The following GPC5 variants were observed in gnomAD, a reference collection of about 807,000 sequenced individuals.
The protein encoded by GPC5 is glypican 5.
Under a neutral mutation model 53.9 loss-of-function variants are expected in GPC5, and 47 were observed. The observed-to-expected ratio is 0.87, with a 90% CI of 0.69 to 1.11. GPC5 has a LOEUF of 1.11. GPC5 is among the 50% of genes most tolerant of loss of function. The pLI is 0.00. For missense variants in GPC5, 748 were observed against 713.1 expected (o/e 1.05, Z -0.56); for synonymous variants, 286 against 263.3 (o/e 1.09, Z -0.84).
At chr13:91,805,567 C>T (rs1165568888) in intron 5 of GPC5, among the ~76,000 whole-genome samples, 1 of 152,156 alleles carries the variant, frequency 6.6e-6, no homozygotes, top group Non-Finnish European at 1.5e-5. Flanking sequence ...CCAGGAGTCT[C>T]TTATTGCCTT....
intron 7 of GPC5, among the ~76,000 whole-genome samples, chr13:92,615,938 C>T (rs1312343470): frequency 6.6e-6 from 1 of 152,102 alleles, no homozygotes; most frequent in African/African-American, 2.4e-5. Context: ...CCTGTAGTCC[C>T]AGCTACTTGG....
At chr13:92,473,847 C>T (rs772612679) in intron 7 of GPC5, among the ~76,000 whole-genome samples, 1 of 152,052 alleles carries the variant, frequency 6.6e-6, no homozygotes, top group Non-Finnish European at 1.5e-5. Flanking sequence ...GAAATTTTAA[C>T]ATGAGATATT....
rs77860064 is a variant in GPC5 at position 92,388,310 on chromosome 13, A to G, written c.1561+243321A>G. Among the ~76,000 whole-genome samples, 239 of 152,116 alleles carry G rather than the reference A, an allele frequency of 1.6e-3. 1 individual carries two copies. Among genetic ancestry groups the G allele is most frequent in the African/African-American group, 5.4e-3 (223 of 41,534 alleles). ...GTGGAAATGGATTTCTATATCTGATATTTTTGCTAGAAAAAATGATAAGCT... is the reference window on the plus strand; with the variant it reads ...GTGGAAATGGATTTCTATATCTGATGTTTTTGCTAGAAAAAATGATAAGCT... On this transcript the variant is annotated intron_variant, in intron 7 of 7. Transcript: ENST00000377067.
chr13:91,765,568 G>A (rs1190671085), intron 5 of GPC5, among the ~76,000 whole-genome samples: 4 of 152,210 alleles, frequency 2.6e-5, no homozygotes, highest in East Asian at 3.8e-4. Flanking sequence ...GACCTTGAAT[G>A]GAACGCAAAG....
At chr13:92,517,878 C>T (rs1442872487) in intron 7 of GPC5, among the ~76,000 whole-genome samples, 1 of 152,170 alleles carries the variant, frequency 6.6e-6, no homozygotes, top group African/African-American at 2.4e-5. Flanking sequence ...CCAACTTCTC[C>T]AAGCTAAAGG....
At position 91,447,022 on chromosome 13, in the gene GPC5, G is replaced by A. The variant is rs548000521; in HGVS notation, c.164-1739G>A. Among the ~76,000 whole-genome samples, 4 of 152,258 alleles carry A rather than the reference G, an allele frequency of 2.6e-5. No individual in the cohort carries two copies. In the South Asian group the frequency reaches 8.3e-4, roughly 32 times the overall value. On this transcript the variant is annotated intron_variant, in intron 1 of 7. Coordinates refer to ENST00000377067, the MANE Select transcript of GPC5 (RefSeq NM_004466.6). ...CAGAGTGTGATGGGAAGAGTACAAA[G>A]GCCAATGTTTCCGGAGATGAGACTG...
chr13:92,562,131 G>C (rs1882718470), intron 7 of GPC5, among the ~76,000 whole-genome samples: 1 of 151,972 alleles, frequency 6.6e-6, no homozygotes, highest in Non-Finnish European at 1.5e-5. Context: ...TCAAAATAAG[G>C]TCCAAACATG....
At chr13:91,921,664 C>T (rs996147925) in intron 6 of GPC5, among the ~76,000 whole-genome samples, 19 of 151,710 alleles carry the variant, frequency 1.3e-4, no homozygotes, top group South Asian at 8.3e-4. Context: ...GCCAAAACTA[C>T]GGCAGATGGG....
At chr13:91,632,746 A>G (rs113778709) in intron 2 of GPC5, among the ~76,000 whole-genome samples, 530 of 152,274 alleles carry the variant, frequency 3.5e-3, no homozygotes, top group African/African-American at 0.011. Context: ...AATGCTGCCT[A>G]ACTTCTAAAA....
At chr13:91,409,147 A>T (rs1327625678) in intron 1 of GPC5, among the ~76,000 whole-genome samples, 1 of 152,094 alleles carries the variant, frequency 6.6e-6, no homozygotes, top group East Asian at 1.9e-4. Context: ...CATTTGGTTC[A>T]TTTTCTTTTG....
chr13:91,981,616 T>G (rs1414477235), intron 6 of GPC5, among the ~76,000 whole-genome samples: 1 of 152,164 alleles, frequency 6.6e-6, no homozygotes, highest in Admixed American at 6.5e-5. Flanking sequence ...TAAATGAGGA[T>G]GAAATTGACT....
At chr13:92,433,525 G>A (rs1877181290) in intron 7 of GPC5, among the ~76,000 whole-genome samples, 1 of 152,170 alleles carries the variant, frequency 6.6e-6, no homozygotes, top group Admixed American at 6.5e-5. Flanking sequence ...TGTAATTGGA[G>A]ATAAGAGTTC....
At chr13:92,402,257 G>A (rs1875591681) in intron 7 of GPC5, among the ~76,000 whole-genome samples, 2 of 152,164 alleles carry the variant, frequency 1.3e-5, no homozygotes, top group Middle Eastern at 6.8e-3. Context: ...GCGAGTTTGG[G>A]CAAACAAAAT....
At chr13:91,497,177 G>A (rs1884318906) in intron 2 of GPC5, among the ~76,000 whole-genome samples, 1 of 151,734 alleles carries the variant, frequency 6.6e-6, no homozygotes, top group Non-Finnish European at 1.5e-5. Flanking sequence ...ATACTTTACA[G>A]TTTTATATAT....
chr13:92,736,153 G>A (rs1888929029), intron 7 of GPC5, among the ~76,000 whole-genome samples: 1 of 151,916 alleles, frequency 6.6e-6, no homozygotes, highest in African/African-American at 2.4e-5. Context: ...ATTTTCAGTT[G>A]TTATGTCTTT....
intron 6 of GPC5, among the ~76,000 whole-genome samples, chr13:92,139,447 C>G (rs2138975405): frequency 6.6e-6 from 1 of 152,158 alleles, no homozygotes; most frequent in Middle Eastern, 3.4e-3. Flanking sequence ...GCGGGTGGAT[C>G]ATGAGGTCAG....
chr13:92,455,272 T>C (rs1878215322), intron 7 of GPC5, among the ~76,000 whole-genome samples: 1 of 152,212 alleles, frequency 6.6e-6, no homozygotes, highest in Non-Finnish European at 1.5e-5. Flanking sequence ...AATATAGTTA[T>C]AATATGTCAG....
chr13:92,141,113 C>G (rs572804414), intron 6 of GPC5, among the ~76,000 whole-genome samples: 3 of 152,146 alleles, frequency 2.0e-5, no homozygotes, highest in African/African-American at 7.2e-5. Context: ...GAATAAAGAT[C>G]TTATTGTGAA....
intron 7 of GPC5, among the ~76,000 whole-genome samples, chr13:92,754,842 G>A (rs1273761122): frequency 2.1e-5 from 3 of 143,598 alleles, no homozygotes; most frequent in Non-Finnish European, 4.5e-5. Flanking sequence ...AGTCCAGAGT[G>A]ACCTACAAAG....
Sources: allele counts gnomAD v4.1 joint callset (sites outside exome capture counted in the v4.1 genomes callset), GRCh38; gene constraint gnomAD v4.1.1; transcripts MANE v1.5; gene names NCBI Gene and HGNC (gene_info 2026-07-23, HGNC 2026-07-21).